The following PRCP variants were observed in gnomAD, a reference collection of about 807,000 sequenced individuals.
The protein encoded by PRCP is prolylcarboxypeptidase.
In PRCP, 46 loss-of-function variants were observed where a neutral mutation model predicts 54.2. The observed-to-expected ratio is 0.85, with a 90% CI of 0.67 to 1.09. The LOEUF (loss-of-function observed/expected upper bound fraction) is 1.09, where lower values mean the gene tolerates loss of function less well. PRCP is among the 50% of genes least tolerant of loss of function. The pLI is 0.00. For synonymous variants in PRCP, 240 were observed against 212.2 expected, an observed-to-expected ratio of 1.13 and a Z score of -1.14; for missense variants, 613 against 596.8, an observed-to-expected ratio of 1.03 and a Z score of -0.28.
chr11:82,875,317 G>A (rs997168213), intron 1 of PRCP, among the ~76,000 whole-genome samples: 1 of 152,208 alleles, frequency 6.6e-6, no homozygotes, highest in Admixed American at 6.5e-5. Flanking sequence ...GAAGTATGAT[G>A]TGACATCTGA....
intron 1 of PRCP, among the ~76,000 whole-genome samples, chr11:82,876,455 C>A (rs1375210701): frequency 6.6e-6 from 1 of 152,150 alleles, no homozygotes; most frequent in African/African-American, 2.4e-5. Context: ...GCATTTGGCA[C>A]GTGATATAGT....
chr11:82,889,210 T>A (rs1230921955), intron 1 of PRCP, among the ~76,000 whole-genome samples: 1 of 150,730 alleles, frequency 6.6e-6, no homozygotes, highest in African/African-American at 2.5e-5. Flanking sequence ...TTAAAAAAAA[T>A]ATCCAGGCAT....
chr11:82,860,639 T>C (rs953648248), intron 1 of PRCP, among the ~76,000 whole-genome samples: 1 of 152,174 alleles, frequency 6.6e-6, no homozygotes, highest in Non-Finnish European at 1.5e-5. Flanking sequence ...ATACATCCCA[T>C]TATTTTTCAA....
chr11:82,831,648 C>T (rs946903844), intron 8 of PRCP, among the ~76,000 whole-genome samples: 3 of 152,102 alleles, frequency 2.0e-5, no homozygotes, highest in Admixed American at 2.0e-4. Flanking sequence ...CACTTGGATT[C>T]ATGTGAGGCA....
intron 6 of PRCP, among the ~76,000 whole-genome samples, chr11:82,845,300 T>C (rs975493443): frequency 1.3e-5 from 2 of 152,104 alleles, no homozygotes; most frequent in Non-Finnish European, 2.9e-5. Flanking sequence ...AAGTTTTAAG[T>C]GTTCCTACCT....
At chr11:82,865,557 C>T (rs908834251) in intron 1 of PRCP, among the ~76,000 whole-genome samples, 9 of 152,128 alleles carry the variant, frequency 5.9e-5, no homozygotes, top group Non-Finnish European at 1.3e-4. Context: ...TTCAGGCACC[C>T]AGACATCTAA....
intron 1 of PRCP, among the ~76,000 whole-genome samples, chr11:82,878,933 T>C (rs1859671761): frequency 6.6e-6 from 1 of 152,218 alleles, no homozygotes; most frequent in Non-Finnish European, 1.5e-5. Flanking sequence ...CCTTTATGGG[T>C]TACCCAACCT....
At chr11:82,893,553 A>T (rs1441211341) in intron 1 of PRCP, among the ~76,000 whole-genome samples, 1 of 152,142 alleles carries the variant, frequency 6.6e-6, no homozygotes, top group African/African-American at 2.4e-5. Context: ...GCACTTTGGG[A>T]GACCAAGGTA....
At chr11:82,832,956 C>T (rs1858423770) in intron 8 of PRCP, among the ~76,000 whole-genome samples, 1 of 152,190 alleles carries the variant, frequency 6.6e-6, no homozygotes, top group Non-Finnish European at 1.5e-5. Context: ...TTGTATTTCT[C>T]ATACCTACCA....
At chr11:82,825,203 C>G in intron 8 of PRCP, 81 bp from the exon 9 acceptor site, 1 of 1,228,750 alleles carries the variant, frequency 8.1e-7, no homozygotes, top group South Asian at 1.4e-5. Flanking sequence ...AAACCTATTA[C>G]ATGTTTAACA....
intron 7 of PRCP, 52 bp downstream of exon 7, chr11:82,839,209 C>T: frequency 2.6e-6 from 4 of 1,565,880 alleles, no homozygotes; most frequent in Non-Finnish European, 1.7e-6. Context: ...TTTTACAGCA[C>T]AACTGTGTCA....
intron 8 of PRCP, among the ~76,000 whole-genome samples, chr11:82,837,544 AAG>A (rs1858557276): frequency 6.6e-6 from 1 of 152,130 alleles, no homozygotes; most frequent in South Asian, 2.1e-4. Flanking sequence ...AAACAAATAA[AAG>A]AACTTCTAAA....
At chr11:82,847,489 G>A (rs184331070) in intron 6 of PRCP, among the ~76,000 whole-genome samples, 2 of 152,304 alleles carry the variant, frequency 1.3e-5, no homozygotes, top group South Asian at 2.1e-4. Context: ...ACATGAAAGC[G>A]CTTTGTAAAT....
Position 82,849,327 on chromosome 11 carries a change from C to T in PRCP, c.752-109G>A, listed in dbSNP as rs1031538386. ...TTTAGAAAACTCAATCTTTTATACCCCTTCTCCCAGGATATTTTCAGAGCA... is the reference window on the plus strand; with the variant it reads ...TTTAGAAAACTCAATCTTTTATACCTCTTCTCCCAGGATATTTTCAGAGCA... On this transcript the variant is annotated intron_variant, in intron 5 of 8. Coordinates refer to ENST00000313010, the MANE Select transcript of PRCP (RefSeq NM_005040.4). The T allele has an allele frequency of 1.2e-5, 14 of 1,213,994 alleles. No individual in the cohort carries two copies. In the South Asian group the frequency reaches 2.1e-4, roughly 18 times the overall value. 75.2% of individuals were successfully genotyped at this position (1,213,994 alleles called of 1,614,324 possible). A position where few individuals can be genotyped will look rare whatever the true frequency, so the allele number is the denominator to read the frequency against.
Position 82,900,228 on chromosome 11 carries a change from C to T in PRCP, c.168+7G>A. The T allele has an allele frequency of 6.2e-7, 1 of 1,614,066 alleles. No homozygotes were observed. Among genetic ancestry groups the T allele is most frequent in the Non-Finnish European group, 8.5e-7 (1 of 1,179,952 alleles). On this transcript the variant is annotated splice_region_variant and intron_variant, in intron 1 of 8. Transcript: ENST00000313010. The stretch of plus-strand genomic sequence containing the variant: ...CCTGGGACGGCGAAGCCCCCGCTCC[C>T]CCTTACCTTCTGTTGGAAGTAGAGA...
intron 6 of PRCP, chr11:82,845,462 A>G (rs1167950740): frequency 6.6e-6 from 1 of 152,322 alleles, no homozygotes; most frequent in Non-Finnish European, 1.5e-5. Context: ...TTAAGCAGAT[A>G]CATTCAGCTT....
intron 8 of PRCP, among the ~76,000 whole-genome samples, chr11:82,834,900 C>T (rs1858481278): frequency 6.6e-6 from 1 of 152,168 alleles, no homozygotes; most frequent in South Asian, 2.1e-4. Context: ...CGTGGTGAAA[C>T]CCCATCTCTA....
intron 1 of PRCP, among the ~76,000 whole-genome samples, chr11:82,862,587 TAC>T (rs1309777199): frequency 2.0e-5 from 3 of 152,162 alleles, no homozygotes; most frequent in Non-Finnish European, 2.9e-5. Context: ...CAGCTCTATC[TAC>T]ACACACAGTT....
chr11:82,901,092 G>C (rs951978266), upstream of PRCP: 21 of 362,000 alleles, frequency 5.8e-5, no homozygotes, highest in African/African-American at 4.3e-4. Flanking sequence ...CAGACCGCTG[G>C]GTCCAGGTCC....
Sources: gnomAD v4.1 joint callset for allele counts (sites outside exome capture counted in the v4.1 genomes callset) on GRCh38, gnomAD v4.1.1 for gene constraint, MANE v1.5 for transcripts, NCBI Gene and HGNC (gene_info 2026-07-23, HGNC 2026-07-21) for gene names.